RALYL: variants seen among roughly 807,000 people sequenced by gnomAD.
RALYL encodes the protein RNA-binding Raly-like protein.
Under a neutral mutation model 35.1 loss-of-function variants are expected in RALYL, and 29 were observed. That is an observed-to-expected ratio of 0.83 (90% confidence interval 0.61 to 1.13). RALYL has a LOEUF of 1.13. RALYL is among the 50% of genes most tolerant of loss of function. RALYL has a pLI of 0.00. For missense variants in RALYL, 359 were observed against 360.4 expected, an observed-to-expected ratio of 1.00 and a Z score of 0.03; for synonymous variants, 120 against 127.6, an observed-to-expected ratio of 0.94 and a Z score of 0.40.
At chr8:84,730,471 G>T (rs1374475517) in intron 2 of RALYL, among the ~76,000 whole-genome samples, 1 of 151,232 alleles carries the variant, frequency 6.6e-6, no homozygotes, top group African/African-American at 2.4e-5. Context: ...TTGAAAACTG[G>T]CACAAGACAG....
intron 1 of RALYL, among the ~76,000 whole-genome samples, chr8:84,239,891 A>G (rs1827484655): frequency 6.6e-6 from 1 of 152,072 alleles, no homozygotes; most frequent in African/African-American, 2.4e-5. Context: ...ACTCCATCTC[A>G]AATAAATAAA....
chr8:84,590,594 A>T (rs1374814370), intron 2 of RALYL, among the ~76,000 whole-genome samples: 1 of 152,170 alleles, frequency 6.6e-6, no homozygotes, highest in Non-Finnish European at 1.5e-5. Flanking sequence ...GGAGGATTAG[A>T]TCTACAGGCA....
chr8:84,185,296 C>T (rs1244893137), intron 1 of RALYL: 3 of 488,612 alleles, frequency 6.1e-6, no homozygotes, highest in Non-Finnish European at 1.1e-5. Context: ...CTCTTTTTAA[C>T]CACCTGATAC....
At chr8:84,228,000 CAGAT>C (rs1472154073) in intron 1 of RALYL, among the ~76,000 whole-genome samples, 2 of 151,846 alleles carry the variant, frequency 1.3e-5, no homozygotes, top group African/African-American at 4.8e-5. Flanking sequence ...GAATGGTAAA[CAGAT>C]AGCTACATTA....
chr8:84,419,665 T>A (rs1403954642), intron 1 of RALYL, among the ~76,000 whole-genome samples: 1 of 149,592 alleles, frequency 6.7e-6, no homozygotes, highest in Non-Finnish European at 1.5e-5. Flanking sequence ...CATCTAGCAT[T>A]AGGTATATCT....
intron 2 of RALYL, among the ~76,000 whole-genome samples, chr8:84,585,570 A>AT (rs1379467181): frequency 3.9e-5 from 6 of 152,178 alleles, no homozygotes; most frequent in Non-Finnish European, 8.8e-5. Flanking sequence ...TCATGTTCAT[A>AT]TTATAGTAGA....
At chr8:84,432,023 G>A (rs1311445544) in intron 1 of RALYL, among the ~76,000 whole-genome samples, 1 of 152,092 alleles carries the variant, frequency 6.6e-6, no homozygotes, top group African/African-American at 2.4e-5. Context: ...ATAGCATAGA[G>A]GTTCTTCAAA....
intron 1 of RALYL, among the ~76,000 whole-genome samples, chr8:84,487,622 T>A (rs908768073): frequency 6.6e-6 from 1 of 152,150 alleles, no homozygotes; most frequent in African/African-American, 2.4e-5. Flanking sequence ...AAAATGGCCA[T>A]GCTCATTCTT....
intron 1 of RALYL, among the ~76,000 whole-genome samples, chr8:84,229,078 A>C (rs1430083639): frequency 6.6e-6 from 1 of 152,178 alleles, no homozygotes; most frequent in Non-Finnish European, 1.5e-5. Flanking sequence ...ATGGAATTTC[A>C]TCTCTGGCTA....
At chr8:84,646,776 C>G (rs1437163969) in intron 2 of RALYL, among the ~76,000 whole-genome samples, 1 of 151,954 alleles carries the variant, frequency 6.6e-6, no homozygotes, top group Non-Finnish European at 1.5e-5. Context: ...CCCCTTCCAT[C>G]TACTGTCAAT....
At chr8:84,863,897 G>A (rs1838622773) in intron 6 of RALYL, among the ~76,000 whole-genome samples, 1 of 152,124 alleles carries the variant, frequency 6.6e-6, no homozygotes, top group South Asian at 2.1e-4. Context: ...AGTAATAAAA[G>A]AAAAGGAGTT....
intron 2 of RALYL, among the ~76,000 whole-genome samples, chr8:84,728,282 G>C (rs1035083541): frequency 2.0e-5 from 3 of 152,152 alleles, no homozygotes; most frequent in African/African-American, 7.2e-5. Context: ...CTTTTGAGAA[G>C]TGTCTGCTCA....
intron 2 of RALYL, among the ~76,000 whole-genome samples, chr8:84,698,653 C>G (rs1011636237): frequency 1.3e-5 from 2 of 151,910 alleles, no homozygotes; most frequent in Admixed American, 1.3e-4. Flanking sequence ...AAGATGAAAC[C>G]AGATGCTCTA....
chr8:84,469,953 C>A (rs934759558), intron 1 of RALYL, among the ~76,000 whole-genome samples: 21 of 152,212 alleles, frequency 1.4e-4, no homozygotes, highest in Admixed American at 1.0e-3. Flanking sequence ...AACTCCCTGA[C>A]CCCTTGCGCT....
At chr8:84,374,999 T>A (rs918526578) in intron 1 of RALYL, among the ~76,000 whole-genome samples, 1 of 151,916 alleles carries the variant, frequency 6.6e-6, no homozygotes, top group African/African-American at 2.4e-5. Context: ...TGAATCACCT[T>A]TATTCTCATT....
At chr8:84,884,198 T>G (rs1842605126) in intron 7 of RALYL, among the ~76,000 whole-genome samples, 1 of 152,030 alleles carries the variant, frequency 6.6e-6, no homozygotes, top group Non-Finnish European at 1.5e-5. Context: ...AACGATCTTC[T>G]GAGGCAATAG....
chr8:84,259,257 A>G (rs1220077930), intron 1 of RALYL, among the ~76,000 whole-genome samples: 3 of 152,204 alleles, frequency 2.0e-5, no homozygotes, highest in Admixed American at 2.0e-4. Context: ...TAGGTCAAGC[A>G]CAAGGTGAAT....
chr8:84,368,060 A>G (rs1854861082), intron 1 of RALYL, among the ~76,000 whole-genome samples: 2 of 152,164 alleles, frequency 1.3e-5, no homozygotes, highest in Admixed American at 6.5e-5. Flanking sequence ...CTGTACTTCA[A>G]CAAGTCTCCA....
chr8:84,525,957 T>TTTTTTTC (rs2058856675), intron 1 of RALYL, among the ~76,000 whole-genome samples: 2 of 47,286 alleles, frequency 4.2e-5, no homozygotes, highest in African/African-American at 1.3e-4. Flanking sequence ...TTTTTTCTTT[T>TTTTTTTC]TTTTTTTTTT....
Sources: allele counts gnomAD v4.1 joint callset (sites outside exome capture counted in the v4.1 genomes callset), GRCh38; gene constraint gnomAD v4.1.1; transcripts MANE v1.5; gene names NCBI Gene and HGNC (gene_info 2026-07-23, HGNC 2026-07-21).